The following GABPB2 variants were observed in gnomAD, a reference collection of about 807,000 sequenced individuals.
GABPB2 encodes GA-binding protein subunit beta-2.
GABPB2 carries 23 observed loss-of-function variants against 39.1 expected under a neutral mutation model. The ratio of observed to expected loss-of-function variants is 0.59; its 90% CI spans 0.42 to 0.83. The LOEUF is 0.83. GABPB2 is among the 40% of genes least tolerant of loss of function. The pLI, the probability that GABPB2 is intolerant of heterozygous loss-of-function variation, is 0.00. For synonymous variants in GABPB2, 184 were observed against 199.3 expected, an observed-to-expected ratio of 0.92 and a Z score of 0.65; for missense variants, 467 against 541.1, an observed-to-expected ratio of 0.86 and a Z score of 1.36.
chr1:151,094,163 C>T (rs958341295), intron 4 of GABPB2, among the ~76,000 whole-genome samples: 1 of 149,720 alleles, frequency 6.7e-6, no homozygotes, highest in African/African-American at 2.5e-5. Context: ...GGGATTCTTC[C>T]ACCTTAGCCT....
chr1:151,080,189 T>A (rs1044100886), intron 1 of GABPB2, among the ~76,000 whole-genome samples: 1 of 124,186 alleles, frequency 8.1e-6, no homozygotes, highest in Non-Finnish European at 1.6e-5. Context: ...CACTCCAGCC[T>A]GGGCAACAAG....
At chr1:151,078,186 C>T (rs1446307862) in intron 1 of GABPB2, among the ~76,000 whole-genome samples, 1 of 150,808 alleles carries the variant, frequency 6.6e-6, no homozygotes, top group Non-Finnish European at 1.5e-5. Flanking sequence ...AGGAGAATTG[C>T]TTGAACCTGA....
At chr1:151,116,334 T>C (rs1027207995) in intron 7 of GABPB2, among the ~76,000 whole-genome samples, 11 of 147,856 alleles carry the variant, frequency 7.4e-5, no homozygotes, top group African/African-American at 2.8e-4. Flanking sequence ...AGGTTGCAGT[T>C]AGCCATTGCA....
At position 151,124,569 on chromosome 1, in the gene GABPB2, C is replaced by T. The variant is rs1245157514; in HGVS notation, c.*6313C>T. The T allele has an allele frequency of 1.3e-5, 2 of 151,728 alleles. No individual in the cohort carries two copies. Among genetic ancestry groups the T allele is most frequent in the Admixed American group, 6.6e-5 (1 of 15,218 alleles). The allele number at this position is 151,728 out of a possible 1,614,324, so 9.4% of individuals were successfully genotyped here. A position where few individuals can be genotyped will look rare whatever the true frequency, so the allele number is the denominator to read the frequency against. On this transcript the variant is annotated 3_prime_UTR_variant, in exon 9 of 9. Coordinates refer to ENST00000368918, the MANE Select transcript of GABPB2 (RefSeq NM_144618.3). ...ATTTGATGCATTTACTGAACTCTTC[C>T]TGAAAGTTTAATATGGAGTGGGAAT...
intron 7 of GABPB2, among the ~76,000 whole-genome samples, chr1:151,110,088 C>G (rs1680302627): frequency 7.7e-6 from 1 of 130,122 alleles, no homozygotes; most frequent in Non-Finnish European, 1.6e-5. Flanking sequence ...TCACTAGCTC[C>G]TGAACTCAAG....
At position 151,087,762 on chromosome 1, in the gene GABPB2, A is replaced by G. The variant is rs138008809; in HGVS notation, c.1-428A>G. The stretch of plus-strand genomic sequence containing the variant: ...CAGTTAGTTGCTAATAAGGGCTCTC[A>G]TAATTTCCATCAAGCAGTAGTTTCA... On this transcript the variant is annotated intron_variant, in intron 1 of 8. Coordinates refer to ENST00000368918, the MANE Select transcript of GABPB2 (RefSeq NM_144618.3). Among the ~76,000 whole-genome samples, 875 of 152,292 alleles carry G rather than the reference A, an allele frequency of 5.7e-3. 27 individuals are homozygous for G. Among genetic ancestry groups the G allele is most frequent in the Admixed American group, 0.052 (788 of 15,256 alleles).
chr1:151,073,643 C>G (rs1310700449), intron 1 of GABPB2, among the ~76,000 whole-genome samples: 1 of 152,092 alleles, frequency 6.6e-6, no homozygotes, highest in Non-Finnish European at 1.5e-5. Flanking sequence ...TAAAGGAAGG[C>G]CGGCGCGGTG....
chr1:151,082,747 A>G (rs1010114698), intron 1 of GABPB2, among the ~76,000 whole-genome samples: 4 of 151,982 alleles, frequency 2.6e-5, no homozygotes, highest in Admixed American at 2.6e-4. Context: ...TTACGAAGGC[A>G]GGAGGATTGC....
At chr1:151,088,540 T>C (rs1432600027) in intron 2 of GABPB2, 4 of 971,822 alleles carry the variant, frequency 4.1e-6, no homozygotes, top group Non-Finnish European at 5.8e-6. Flanking sequence ...TGTGATTTTC[T>C]ATAATGTTTT....
intron 1 of GABPB2, 116 bp downstream of exon 1, chr1:151,071,050 C>T (rs587652578): frequency 6.6e-6 from 1 of 152,292 alleles, no homozygotes; most frequent in Non-Finnish European, 1.5e-5. Context: ...GTGCAGACCT[C>T]GCGGCTCCCC....
At chr1:151,078,988 T>TAGCCAGAAAAAGTAACCTG (rs1571888300) in intron 1 of GABPB2, among the ~76,000 whole-genome samples, 1 of 151,988 alleles carries the variant, frequency 6.6e-6, no homozygotes, top group East Asian at 1.9e-4. Context: ...TACTTTTTCT[T>TAGCCAGAAAAAGTAACCTG]AAGATGGATG....
chr1:151,080,178 G>T (rs1318700332), intron 1 of GABPB2, among the ~76,000 whole-genome samples: 4 of 136,624 alleles, frequency 2.9e-5, no homozygotes, highest in African/African-American at 1.1e-4. Flanking sequence ...TCATGCCATT[G>T]CACTCCAGCC....
intron 5 of GABPB2, among the ~76,000 whole-genome samples, chr1:151,099,315 A>G (rs1256183021): frequency 2.0e-5 from 3 of 151,680 alleles, no homozygotes; most frequent in Admixed American, 2.0e-4. Flanking sequence ...CTCCTGCCTC[A>G]GCCTCCTGAG....
chr1:151,110,643 T>A (rs1020185519), intron 7 of GABPB2, among the ~76,000 whole-genome samples: 2 of 152,180 alleles, frequency 1.3e-5, no homozygotes, highest in African/African-American at 4.8e-5. Context: ...TACTTTTTCG[T>A]AGAGACAAGG....
At chr1:151,080,215 CAAAAAAAAAAAAAAAA>C (rs57351502) in intron 1 of GABPB2, among the ~76,000 whole-genome samples, 2 of 30,020 alleles carry the variant, frequency 6.7e-5, no homozygotes, top group East Asian at 1.6e-3. Flanking sequence ...AACTCCATCT[CAAAAAAAAAAAAAAAA>C]AAAAAAAAAA....
rs755849329 is a variant in GABPB2, at chr1:151,090,413, C to T, written c.116C>T (p.Thr39Ile). The T allele has an allele frequency of 2.5e-6, 4 of 1,613,896 alleles. No homozygotes were observed. Among genetic ancestry groups the T allele is most frequent in the Non-Finnish European group, 3.4e-6 (4 of 1,179,864 alleles). ...GAPFTTDWLG[T>I]SPLHLAAQYG... ...AGCATTATTTTTCCACAGCTTGGAACATCACCCCTCCACCTTGCAGCTCAA... is the reference window on the plus strand; with the variant it reads ...AGCATTATTTTTCCACAGCTTGGAATATCACCCCTCCACCTTGCAGCTCAA... Residue 39 changes from threonine (T) to isoleucine (I), a missense_variant, in exon 3 of 9, where the codon ACA becomes ATA. Coordinates refer to ENST00000368918, the MANE Select transcript of GABPB2 (RefSeq NM_144618.3).
intron 1 of GABPB2, among the ~76,000 whole-genome samples, chr1:151,087,268 C>G (rs1571913766): frequency 6.6e-6 from 1 of 152,160 alleles, no homozygotes; most frequent in Non-Finnish European, 1.5e-5. Context: ...ATTACAGTCC[C>G]AAGCCACTGC....
chr1:151,080,705 G>A (rs1571894110), intron 1 of GABPB2, among the ~76,000 whole-genome samples: 1 of 149,966 alleles, frequency 6.7e-6, no homozygotes, highest in South Asian at 2.1e-4. Context: ...AGTATTAGCT[G>A]GGCATGGTGG....
intron 5 of GABPB2, among the ~76,000 whole-genome samples, chr1:151,101,574 CA>C (rs934033557): frequency 1.2e-4 from 17 of 139,884 alleles, no homozygotes; most frequent in African/African-American, 2.6e-4. Flanking sequence ...AACTCCGTCT[CA>C]AAAAAAAAAG....
Sources: allele counts gnomAD v4.1 joint callset (sites outside exome capture counted in the v4.1 genomes callset), GRCh38; gene constraint gnomAD v4.1.1; transcripts MANE v1.5; gene names NCBI Gene and HGNC (gene_info 2026-07-23, HGNC 2026-07-21).